Variants in TERF1 observed in about 807,000 individuals in gnomAD.
TERF1 encodes the protein telomeric repeat-binding factor 1.
Under a neutral mutation model 55.1 loss-of-function variants are expected in TERF1, and 20 were observed. The observed-to-expected ratio is 0.36, with a 90% CI of 0.26 to 0.53. TERF1 has a LOEUF of 0.53. Ranked by LOEUF, TERF1 falls within the 20% of genes least tolerant of loss-of-function variation. TERF1 has a pLI of 0.91. For synonymous variants in TERF1, 168 were observed against 181.2 expected, an observed-to-expected ratio of 0.93 and a Z score of 0.59; for missense variants, 439 against 535.7, an observed-to-expected ratio of 0.82 and a Z score of 1.78.
At chr8:73,026,727 CGT>C (rs1007643265) in intron 5 of TERF1, among the ~76,000 whole-genome samples, 2 of 151,354 alleles carry the variant, frequency 1.3e-5, no homozygotes, top group Non-Finnish European at 2.9e-5. Flanking sequence ...AGACCACCTT[CGT>C]AACGCTGATA....
At chr8:73,020,986 A>G (rs567448604) in intron 3 of TERF1, among the ~76,000 whole-genome samples, 181 bp downstream of exon 3, 13 of 152,264 alleles carry the variant, frequency 8.5e-5, no homozygotes, top group African/African-American at 3.1e-4. Context: ...AATGTGCCAT[A>G]CTTAAGCATA....
intron 8 of TERF1, among the ~76,000 whole-genome samples, chr8:73,036,074 G>T (rs1424531001): frequency 6.6e-6 from 1 of 152,220 alleles, no homozygotes; most frequent in Non-Finnish European, 1.5e-5. Flanking sequence ...AAGTCCGGTG[G>T]ACTATGCAAC....
chr8:73,018,177 TC>T (rs887801236), intron 2 of TERF1, among the ~76,000 whole-genome samples: 4 of 152,198 alleles, frequency 2.6e-5, no homozygotes. Flanking sequence ...ACTTTTTTTT[TC>T]ATGTTTGTAT....
intron 9 of TERF1, among the ~76,000 whole-genome samples, chr8:73,039,561 G>T (rs1480183382): frequency 6.6e-6 from 1 of 152,060 alleles, no homozygotes; most frequent in East Asian, 1.9e-4. Flanking sequence ...AGTGTAAAAA[G>T]AGTTTTCTTT....
chr8:73,008,869 C>T lies in TERF1; in HGVS notation c.-18C>T. The T allele has an allele frequency of 6.3e-7, 1 of 1,589,900 alleles. No individual in the cohort carries two copies. Among genetic ancestry groups the T allele is most frequent in the Non-Finnish European group, 8.6e-7 (1 of 1,169,304 alleles). On this transcript the variant is annotated 5_prime_UTR_variant, in exon 1 of 10. Transcript: ENST00000276603. ...TGCTCGGCGCCTGAAGGGGCAGTAC[C>T]CAAGCGAGCCATTTAACATGGCGGA...
rs1201041579 is a variant in TERF1 at position 73,047,638 on chromosome 8, G to A, written c.*1501G>A. 1.3e-5 allele frequency: 2 copies of A among 152,152 alleles called. No homozygotes were observed. Among genetic ancestry groups the A allele is most frequent in the African/African-American group, 2.4e-5 (1 of 41,440 alleles). The allele number at this position is 152,152 out of a possible 1,614,324, so 9.4% of individuals were successfully genotyped here. On this transcript the variant is annotated 3_prime_UTR_variant, in exon 10 of 10. Transcript: ENST00000276603. The stretch of plus-strand genomic sequence containing the variant: ...AAGTATTTGCATAAAAAATCAAATG[G>A]TGGTGTTTTGTAATCTCTATTGTAT...
intron 6 of TERF1, 51 bp from the exon 7 acceptor site, chr8:73,030,285 A>T (rs779191169): frequency 8.1e-7 from 1 of 1,232,230 alleles, no homozygotes; most frequent in Non-Finnish European, 1.1e-6. Context: ...TACTATCCTT[A>T]TGAAAAGTTT....
At chr8:73,028,571 A>C (rs982154290) in intron 6 of TERF1, among the ~76,000 whole-genome samples, 4 of 104,428 alleles carry the variant, frequency 3.8e-5, no homozygotes, top group South Asian at 3.4e-4. Flanking sequence ...ACGTAGACCC[A>C]TTTTTTTTTT....
intron 8 of TERF1, among the ~76,000 whole-genome samples, chr8:73,038,204 C>T (rs1404522937): frequency 6.6e-6 from 1 of 151,848 alleles, no homozygotes; most frequent in African/African-American, 2.4e-5. Context: ...AATTCCAGCA[C>T]TTTGGGAGGC....
intron 9 of TERF1, among the ~76,000 whole-genome samples, chr8:73,045,196 G>GT (rs1809984236): frequency 6.6e-6 from 1 of 152,114 alleles, no homozygotes; most frequent in African/African-American, 2.4e-5. Flanking sequence ...CTTATTTTGT[G>GT]TTTTTTTGAT....
chr8:73,028,571 A>ATTTTTTTT (rs59423351), intron 6 of TERF1, among the ~76,000 whole-genome samples: 1 of 104,416 alleles, frequency 9.6e-6, no homozygotes, highest in Non-Finnish European at 1.8e-5. Flanking sequence ...ACGTAGACCC[A>ATTTTTTTT]TTTTTTTTTT....
chr8:73,016,772 C>A (rs1175442378), intron 2 of TERF1, among the ~76,000 whole-genome samples: 3 of 152,064 alleles, frequency 2.0e-5, no homozygotes, highest in Non-Finnish European at 4.4e-5. Context: ...GGAGAAAAGC[C>A]AATCATGTTT....
chr8:73,016,739 G>GC (rs1808524787), intron 2 of TERF1, among the ~76,000 whole-genome samples: 1 of 152,032 alleles, frequency 6.6e-6, no homozygotes, highest in Non-Finnish European at 1.5e-5. Context: ...TTGCATTGCC[G>GC]TGGAACTCAG....
chr8:73,025,646 A>C (rs1230551871), intron 5 of TERF1, among the ~76,000 whole-genome samples: 1 of 150,616 alleles, frequency 6.6e-6, no homozygotes, highest in Non-Finnish European at 1.5e-5. Context: ...AGTCCCAGCT[A>C]CTCAGGAGGC....
chr8:73,032,281 G>A, intron 8 of TERF1, 148 bp downstream of exon 8: 2 of 578,724 alleles, frequency 3.5e-6, no homozygotes, highest in Non-Finnish European at 5.9e-6. Flanking sequence ...TTGAGATAGT[G>A]TTTAATTTAG....
At chr8:73,035,648 T>G (rs1809479015) in intron 8 of TERF1, among the ~76,000 whole-genome samples, 1 of 152,220 alleles carries the variant, frequency 6.6e-6, no homozygotes, top group Non-Finnish European at 1.5e-5. Context: ...AATATAATTA[T>G]GAATTTGTCT....
intron 6 of TERF1, among the ~76,000 whole-genome samples, chr8:73,028,214 A>G (rs182296262): frequency 2.3e-4 from 35 of 152,282 alleles, no homozygotes; most frequent in African/African-American, 7.7e-4. Flanking sequence ...CTCTCCTTAT[A>G]TAGTGCTACC....
chr8:73,022,534 T>A (rs1284727992), intron 4 of TERF1, among the ~76,000 whole-genome samples: 1 of 152,054 alleles, frequency 6.6e-6, no homozygotes, highest in Admixed American at 6.6e-5. Context: ...GGTGGGAGGA[T>A]CTCTTGAGCT....
At chr8:73,038,549 CTGTT>C (rs201580264) in intron 8 of TERF1, among the ~76,000 whole-genome samples, 1,707 of 151,814 alleles carry the variant, frequency 0.011, 31 homozygotes, top group African/African-American at 0.039. Context: ...ATTATTTTAA[CTGTT>C]TGTTGCTAAT....
Sources: allele counts gnomAD v4.1 joint callset (sites outside exome capture counted in the v4.1 genomes callset), GRCh38; gene constraint gnomAD v4.1.1; transcripts MANE v1.5; gene names NCBI Gene and HGNC (gene_info 2026-07-23, HGNC 2026-07-21).